Variants in EVC2 observed in about 807,000 individuals in gnomAD.
EVC2 encodes the protein limbin.
In EVC2, 148 loss-of-function variants were observed where a neutral mutation model predicts 149.3. The ratio of observed to expected loss-of-function variants is 0.99; its 90% CI spans 0.87 to 1.14. The LOEUF (loss-of-function observed/expected upper bound fraction) is 1.14. EVC2 is among the 50% of genes most tolerant of loss of function. The probability of loss-of-function intolerance (pLI) is 0.00; values close to 1 mark genes in which losing one functional copy is unlikely to be tolerated. For synonymous variants in EVC2, 776 were observed against 649.9 expected (o/e 1.19, Z -2.95); for missense variants, 1,854 against 1,627.3 (o/e 1.14, Z -2.40).
chr4:5,705,086 C>T (rs2151746414), intron 1 of EVC2, among the ~76,000 whole-genome samples: 1 of 152,284 alleles, frequency 6.6e-6, no homozygotes. Flanking sequence ...AATGTTACAT[C>T]ATATCTGGCT....
At position 5,585,187 on chromosome 4, in the gene EVC2, C is replaced by G. The variant is rs184549872; in HGVS notation, c.2830-337G>C. Among the ~76,000 whole-genome samples, 391 of 152,226 alleles carry G rather than the reference C, an allele frequency of 2.6e-3. 6 individuals carry two copies. The highest frequency in any genetic ancestry group is 8.4e-3 in the African/African-American group (351 of 41,542). On this transcript the variant is annotated intron_variant, in intron 16 of 21. Coordinates refer to ENST00000344408, the MANE Select transcript of EVC2 (RefSeq NM_147127.5). ...ACTCCTGAGCATGGGATCCAAGGAG[C>G]TCCCCACCCCAATCCCAGCCAAGGT... is the stretch of plus-strand genomic sequence containing the variant.
chr4:5,562,585 G>C lies in EVC2; in HGVS notation c.*263C>G. On this transcript the variant is annotated 3_prime_UTR_variant, in exon 22 of 22. Transcript: ENST00000344408. This position sits in a 1 kb window ranked among gnomAD's most constrained non-coding sequence, Gnocchi z 4.3. ...GGATGGGGTGTGGATTGCAGGGTGG[G>C]GGTCTCCTCCAGGGCCCTGGGGAGG... is the stretch of plus-strand genomic sequence containing the variant. 1 of 1,363,692 alleles carries C rather than the reference G, an allele frequency of 7.3e-7. No individual in the cohort carries two copies. The highest frequency in any genetic ancestry group is 1.5e-5 in the South Asian group (1 of 64,838). The allele number at this position is 1,363,692 out of a possible 1,614,324, so 84.5% of individuals were successfully genotyped here. A position where few individuals can be genotyped will look rare whatever the true frequency, so the allele number is the denominator to read the frequency against.
At chr4:5,535,631 G>GAGAC in the EVC2 span, among the ~76,000 whole-genome samples, 1,055 of 150,792 alleles carry the variant, frequency 7.0e-3, 8 homozygotes, top group African/African-American at 0.022. The surrounding 1 kb of genome is among the most constrained non-coding windows in gnomAD (Gnocchi z 4.7). Flanking sequence ...GAGAGAGAGA[G>GAGAC]AGAAAGAGAT....
chr4:5,684,507 A>C (rs1160556747), intron 6 of EVC2, among the ~76,000 whole-genome samples: 2 of 152,194 alleles, frequency 1.3e-5, no homozygotes, highest in Non-Finnish European at 2.9e-5. Context: ...ACACAATAAA[A>C]TGACAAAAGG....
chr4:5,648,129 C>T (rs1419099477), intron 9 of EVC2, among the ~76,000 whole-genome samples: 1 of 152,150 alleles, frequency 6.6e-6, no homozygotes, highest in Non-Finnish European at 1.5e-5. Flanking sequence ...TTGGGATAGC[C>T]ATCACCTTAA....
chr4:5,668,226 T>A (rs1719399257), intron 7 of EVC2, among the ~76,000 whole-genome samples: 2 of 152,208 alleles, frequency 1.3e-5, no homozygotes, highest in African/African-American at 4.8e-5. Context: ...TTACATTTTT[T>A]CTGACAGACC....
At chr4:5,555,529 C>T (rs1239515467) in intron 21 of EVC2, among the ~76,000 whole-genome samples, 1 of 152,064 alleles carries the variant, frequency 6.6e-6, no homozygotes, top group Non-Finnish European at 1.5e-5. Flanking sequence ...ACAAACCAGA[C>T]TTCAGAACAA....
chr4:5,613,388 G>C lies in EVC2; in HGVS notation c.2829+2034C>G, dbSNP rs560613169. 5.9e-5 allele frequency among the ~76,000 whole-genome samples: 9 copies of C among 152,228 alleles called. No individual in the cohort carries two copies. The highest frequency in any genetic ancestry group is 6.8e-3 in the Middle Eastern group (2 of 294). ...TCCGACAACAGTCACCTTCACTCTGGCGGGTTTCACCTCTTACAGAGGATC... is the reference window on the plus strand; with the variant it reads ...TCCGACAACAGTCACCTTCACTCTGCCGGGTTTCACCTCTTACAGAGGATC... On this transcript the variant is annotated intron_variant, in intron 16 of 21. Coordinates refer to ENST00000344408, the MANE Select transcript of EVC2 (RefSeq NM_147127.5). The surrounding 1 kb of genome is among the most constrained non-coding windows in gnomAD (Gnocchi z 4.6).
At chr4:5,557,856 G>C (rs1320811769), downstream of EVC2, among the ~76,000 whole-genome samples, 4 of 152,062 alleles carry the variant, frequency 2.6e-5, no homozygotes, top group African/African-American at 9.7e-5. Flanking sequence ...CTAAAAATAT[G>C]TACAGGATCT....
In EVC2 at chr4:5,576,354, T is replaced by G; in HGVS notation, c.3158A>C (p.Asp1053Ala). 6.2e-7 allele frequency: 1 copy of G among 1,614,166 alleles called. No individual in the cohort carries two copies. Among genetic ancestry groups the G allele is most frequent in the Non-Finnish European group, 8.5e-7 (1 of 1,180,030 alleles). The change falls in exon 18 of 22, where the codon GAT becomes GCT. Residue 1053 changes from aspartate (D) to alanine (A), a missense_variant. Asp to Ala is a moderately radical substitution (Grantham distance 126). Transcript: ENST00000344408. The surrounding 1 kb of genome is among the most constrained non-coding windows in gnomAD (Gnocchi z 4.5). Reference protein sequence around the residue: ...ALASWQQWVADGPGILNEPGE... With the variant: ...ALASWQQWVAAGPGILNEPGE... ...AGGTTCGTTCAGAATCCCGGGCCCA[T>G]CGGCCACCCACTGCTGCCAGCTCGC...
chr4:5,640,519 C>T lies in EVC2; in HGVS notation c.1465G>A (p.Glu489Lys). ...TCCTTTCAGACCTGTCTTACCCTCTCACCAGCACGTTTCAGCAACTCTTCT... is the reference window on the plus strand; with the variant it reads ...TCCTTTCAGACCTGTCTTACCCTCTTACCAGCACGTTTCAGCAACTCTTCT... ...EAEELLKRAG[E>K]RSAVECSNLL... The change falls in exon 10 of 22, where the codon GAG (glutamate) becomes AAG (lysine). Residue 489 changes from glutamate to lysine, a missense_variant. Glu to Lys is a moderately conservative substitution (Grantham distance 56). Transcript: ENST00000344408. The surrounding 1 kb of genome is among the most constrained non-coding windows in gnomAD (Gnocchi z 4.6). 6.2e-7 allele frequency: 1 copy of T among 1,614,118 alleles called. No homozygotes were observed. Among genetic ancestry groups the T allele is most frequent in the Non-Finnish European group, 8.5e-7 (1 of 1,180,030 alleles).
chr4:5,557,864 T>A (rs2108762396), downstream of EVC2, among the ~76,000 whole-genome samples: 1 of 152,246 alleles, frequency 6.6e-6, no homozygotes, highest in Non-Finnish European at 1.5e-5. Flanking sequence ...ATGTACAGGA[T>A]CTGTATGCAG....
Position 5,567,267 on chromosome 4 carries a change from C to T in EVC2, c.3557+1177G>A, listed in dbSNP as rs748590622. 2.2e-4 allele frequency among the ~76,000 whole-genome samples: 34 copies of T among 152,190 alleles called. No homozygotes were observed. Among genetic ancestry groups the T allele is most frequent in the Non-Finnish European group, 3.8e-4 (26 of 68,038 alleles). On this transcript the variant is annotated intron_variant, in intron 20 of 21. Transcript: ENST00000344408. This position sits in a 1 kb window ranked among gnomAD's most constrained non-coding sequence, Gnocchi z 4.4. The stretch of plus-strand genomic sequence containing the variant: ...CACTGTGGCCTCCTGCCCACACCCG[C>T]AGATGTTCCCTCTTCCCCACCCTCC...
chr4:5,543,172 T>C, exon 22 of EVC2: 1 of 1,289,686 alleles, frequency 7.8e-7, no homozygotes, highest in South Asian at 1.2e-5. Flanking sequence ...ATCTCTGGAG[T>C]CCCTACCAGG....
chr4:5,640,541 T>C lies in EVC2; in HGVS notation c.1443A>G (p.Glu481=). 2.5e-6 allele frequency: 4 copies of C among 1,614,210 alleles called. No individual in the cohort carries two copies. Among genetic ancestry groups the C allele is most frequent in the Non-Finnish European group, 3.4e-6 (4 of 1,180,036 alleles). The stretch of plus-strand genomic sequence containing the variant: ...TCTCACCAGCACGTTTCAGCAACTC[T>C]TCTGCTTCCTCCATTGCCATCATCT... ...QREMMAMEEA[E]ELLKRAGERS... Residue 481 remains glutamate (E), a synonymous_variant, in exon 10 of 22, where the codon GAA becomes GAG. Transcript: ENST00000344408. The surrounding 1 kb of genome is among the most constrained non-coding windows in gnomAD (Gnocchi z 4.6).
intron 1 of EVC2, among the ~76,000 whole-genome samples, chr4:5,705,272 T>C (rs975397595): frequency 1.3e-5 from 2 of 152,210 alleles, no homozygotes; most frequent in Non-Finnish European, 2.9e-5. Context: ...TAGACACTTA[T>C]CTTTCAAAGG....
intron 9 of EVC2, among the ~76,000 whole-genome samples, chr4:5,644,537 T>C (rs549169763): frequency 6.6e-6 from 1 of 152,266 alleles, no homozygotes; most frequent in Admixed American, 6.5e-5. Context: ...TCTCTTGACC[T>C]CATGATCTGC....
At chr4:5,621,510 G>C (rs1330054575) in intron 14 of EVC2, among the ~76,000 whole-genome samples, 7 of 152,164 alleles carry the variant, frequency 4.6e-5, no homozygotes, top group Non-Finnish European at 1.0e-4. Context: ...TTCTACATTG[G>C]CTAGGTTAGA....
intron 7 of EVC2, among the ~76,000 whole-genome samples, chr4:5,669,137 G>C (rs779250042): frequency 1.3e-5 from 2 of 152,116 alleles, no homozygotes; most frequent in Non-Finnish European, 1.5e-5. Context: ...GCTTCTCCAG[G>C]GTCTTTATAA....
Sources: gnomAD v4.1 joint callset for allele counts (sites outside exome capture counted in the v4.1 genomes callset) on GRCh38, gnomAD v4.1.1 for gene constraint, Gnocchi (gnomAD v3.1) non-coding constraint, MANE v1.5 for transcripts, NCBI Gene and HGNC (gene_info 2026-07-23, HGNC 2026-07-21) for gene names.